DIAPH1: variants seen among roughly 807,000 people sequenced by gnomAD.
DIAPH1 encodes the protein diaphanous related formin 1.
In DIAPH1, 46 loss-of-function variants were observed where a neutral mutation model predicts 140.7. The ratio of observed to expected loss-of-function variants is 0.33; its 90% CI spans 0.26 to 0.42. The LOEUF is 0.42. DIAPH1 is among the 10% of genes least tolerant of loss of function. The pLI, the probability that DIAPH1 is intolerant of heterozygous loss-of-function variation, is 1.00. For synonymous variants in DIAPH1, 565 were observed against 551.6 expected (o/e 1.02, Z -0.34); for missense variants, 1,310 against 1,558.7 (o/e 0.84, Z 2.69).
chr5:141,618,667 G>T, intron 1 of DIAPH1, 131 bp downstream of exon 1: 2 of 620,440 alleles, frequency 3.2e-6, no homozygotes, highest in Non-Finnish European at 2.9e-6. Context: ...CAGAGCTGCG[G>T]ACCGAGCGAA....
rs3075570 is a variant in DIAPH1 at position 141,573,996 on chromosome 5, TGGAGGAGGAGGAGGAGGAGGA to T, written c.1833_1853del (p.Pro614_Pro620del). ...TGCAAACACCCCCAGGCAAAGGAGG[TGGAGGAGGAGGAGGAGGAGGA>T]GGAGGAGGAGGAGTGGTACTATCCC... On this transcript the variant is annotated inframe_deletion, in exon 16 of 28. Coordinates refer to ENST00000389054, the MANE Select transcript of DIAPH1 (RefSeq NM_005219.5). 1.7e-5 allele frequency: 25 copies of T among 1,511,812 alleles called. No homozygotes were observed. Among genetic ancestry groups the T allele is most frequent in the Non-Finnish European group, 2.1e-5 (24 of 1,130,708 alleles). 93.6% of individuals were successfully genotyped at this position (1,511,812 alleles called of 1,614,324 possible). A position where few individuals can be genotyped will look rare whatever the true frequency, so the allele number is the denominator to read the frequency against.
intron 18 of DIAPH1, among the ~76,000 whole-genome samples, chr5:141,556,204 C>T (rs1193731518): frequency 6.6e-6 from 1 of 152,028 alleles, no homozygotes; most frequent in Non-Finnish European, 1.5e-5. Context: ...TTCACCACAT[C>T]CCCCCCGGCC....
rs1480170074 is a variant in DIAPH1, at chr5:141,515,685, G to A, written c.*1166C>T. On this transcript the variant is annotated 3_prime_UTR_variant, in exon 28 of 28. Coordinates refer to ENST00000389054, the MANE Select transcript of DIAPH1 (RefSeq NM_005219.5). ...TTTATACATTTATAAAAAACTCTGT[G>A]GTCTTAGAGTTCCTGCTACTCTTAG... is the stretch of plus-strand genomic sequence containing the variant. 6.6e-6 allele frequency: 1 copy of A among 152,150 alleles called. No individual in the cohort carries two copies. 9.4% of individuals were successfully genotyped at this position (152,150 alleles called of 1,614,324 possible).
chr5:141,524,381 G>A (rs2099886984), intron 26 of DIAPH1, 152 bp from the exon 27 acceptor site: 3 of 729,852 alleles, frequency 4.1e-6, no homozygotes, highest in Non-Finnish European at 7.3e-6. Context: ...TCAGCCTTAA[G>A]TCTCACACGC....
intron 15 of DIAPH1, among the ~76,000 whole-genome samples, chr5:141,574,508 G>A (rs1029762193): frequency 6.6e-6 from 1 of 152,142 alleles, no homozygotes; most frequent in African/African-American, 2.4e-5. Context: ...AAATGTTCTA[G>A]TTATATAACT....
chr5:141,576,737 G>A lies in DIAPH1; in HGVS notation c.1396+19C>T, dbSNP rs1435811785. ...GAAGAAGCAATACTTGGAGGAGCCA[G>A]ATAGAAGAGTATGCTTACCAATTAA... On this transcript the variant is annotated intron_variant, in intron 13 of 27. Coordinates refer to ENST00000389054, the MANE Select transcript of DIAPH1 (RefSeq NM_005219.5). The A allele has an allele frequency of 3.4e-6, 5 of 1,486,970 alleles. No homozygotes were observed. The highest frequency in any genetic ancestry group is 4.7e-6 in the Non-Finnish European group (5 of 1,064,244). The allele number at this position is 1,486,970 out of a possible 1,614,324, so 92.1% of individuals were successfully genotyped here.
intron 1 of DIAPH1, among the ~76,000 whole-genome samples, chr5:141,601,013 T>C (rs1307540785): frequency 6.6e-6 from 1 of 151,654 alleles, no homozygotes. Flanking sequence ...CACTCATAGG[T>C]GGGAACTGAA....
Position 141,577,492 on chromosome 5 carries a change from T to G in DIAPH1, c.1263A>C (p.Arg421=). ...LSILQHLLLV[R]NDYEARPQYY... Reference sequence around the variant, plus strand: ...CATCTTACCTGGCCTCATAGTCATTTCGGACCAAGAGTAAGTGCTGCAGGA... The same window carrying G: ...CATCTTACCTGGCCTCATAGTCATTGCGGACCAAGAGTAAGTGCTGCAGGA... Residue 421 remains arginine (R), a synonymous_variant, in exon 12 of 28, where the codon CGA becomes CGC. Transcript: ENST00000389054. 1.2e-6 allele frequency: 2 copies of G among 1,613,022 alleles called. No individual in the cohort carries two copies. The highest frequency in any genetic ancestry group is 1.7e-6 in the Non-Finnish European group (2 of 1,178,980).
At chr5:141,561,619 A>C (rs938275055) in intron 18 of DIAPH1, among the ~76,000 whole-genome samples, 4 of 152,206 alleles carry the variant, frequency 2.6e-5, no homozygotes, top group Non-Finnish European at 5.9e-5. Context: ...AGAAAAATTA[A>C]AAGAGAAAGT....
intron 18 of DIAPH1, among the ~76,000 whole-genome samples, chr5:141,546,867 T>C (rs903214274): frequency 6.6e-6 from 1 of 152,230 alleles, no homozygotes; most frequent in Non-Finnish European, 1.5e-5. Context: ...AATCAGCCTC[T>C]ACTATTATCT....
At chr5:141,578,472 G>T in intron 10 of DIAPH1, 43 bp downstream of exon 10, 2 of 1,564,794 alleles carry the variant, frequency 1.3e-6, no homozygotes, top group Non-Finnish European at 1.8e-6. Flanking sequence ...TGTAGAGCAA[G>T]AAGGAACCAG....
intron 1 of DIAPH1, among the ~76,000 whole-genome samples, chr5:141,589,372 C>T (rs1344243297): frequency 6.6e-6 from 1 of 152,168 alleles, no homozygotes; most frequent in East Asian, 1.9e-4. Context: ...TGATTTATTG[C>T]TTCAACAAAC....
intron 18 of DIAPH1, among the ~76,000 whole-genome samples, chr5:141,539,940 CTAT>C (rs1345184076): frequency 6.7e-6 from 1 of 149,128 alleles, no homozygotes; most frequent in East Asian, 2.0e-4. Flanking sequence ...TCCCTAATTT[CTAT>C]TATTTCTTTC....
At position 141,529,546 on chromosome 5, in the gene DIAPH1, G is replaced by A. The variant is rs898524840; in HGVS notation, c.2676+57C>T. Reference sequence around the variant, plus strand: ...ATCCTCTTCATCTACACAGAGATGAGGCCAGTGCCCAGCGACACAGAAGAG... The same window carrying A: ...ATCCTCTTCATCTACACAGAGATGAAGCCAGTGCCCAGCGACACAGAAGAG... On this transcript the variant is annotated intron_variant, in intron 20 of 27. Coordinates refer to ENST00000389054, the MANE Select transcript of DIAPH1 (RefSeq NM_005219.5). 1.7e-5 allele frequency: 23 copies of A among 1,347,212 alleles called. No individual in the cohort carries two copies. In the African/African-American group the frequency reaches 2.9e-4, roughly 17 times the overall value. The allele number at this position is 1,347,212 out of a possible 1,614,324, so 83.5% of individuals were successfully genotyped here. A position where few individuals can be genotyped will look rare whatever the true frequency, so the allele number is the denominator to read the frequency against.
intron 1 of DIAPH1, among the ~76,000 whole-genome samples, chr5:141,611,912 C>A (rs1250504571): frequency 3.9e-5 from 6 of 151,966 alleles, no homozygotes; most frequent in Admixed American, 3.9e-4. Flanking sequence ...ACTAAAAATA[C>A]AAAAATTAGC....
chr5:141,527,699 TAAAAAAAAAAAAAA>T lies in DIAPH1; in HGVS notation c.3149-16_3149-3del. ...TCTTTTGCAAGTTTTCAGCAGAAAC[TAAAAAAAAAAAAAA>T]AAAAAAAAACCATAAAAACAGACAG... On this transcript the variant is annotated splice_polypyrimidine_tract_variant and splice_region_variant and intron_variant, in intron 23 of 27. Transcript: ENST00000389054. 6 of 1,130,080 alleles carry T rather than the reference TAAAAAAAAAAAAAA, an allele frequency of 5.3e-6. No individual in the cohort carries two copies. The highest frequency in any genetic ancestry group is 3.6e-5 in the East Asian group (1 of 27,440). The allele number at this position is 1,130,080 out of a possible 1,614,324, so 70.0% of individuals were successfully genotyped here.
intron 14 of DIAPH1, 83 bp downstream of exon 14, chr5:141,576,147 G>A: frequency 1.6e-6 from 2 of 1,213,996 alleles, no homozygotes; most frequent in South Asian, 1.2e-5. Flanking sequence ...TACCACAGAG[G>A]AAAACTGTCT....
chr5:141,573,887 G>C lies in DIAPH1; in HGVS notation c.1963C>G (p.Pro655Ala), dbSNP rs201827139. 2.7e-5 allele frequency: 41 copies of C among 1,545,700 alleles called. No homozygotes were observed. The African/African-American group carries it at 5.1e-4, about 19-fold the overall frequency. ...LSGDATIPPP[P>A]PLPEGVGIPS... ...ATGCCAACACCCTCAGGCAAAGGAGGGGGTGGAGGGATGGTAGCATCCCCA... is the reference window on the plus strand; with the variant it reads ...ATGCCAACACCCTCAGGCAAAGGAGCGGGTGGAGGGATGGTAGCATCCCCA... Residue 655 changes from proline (P) to alanine (A), a missense_variant, in exon 16 of 28, where the codon CCT (proline) becomes GCT (alanine). Transcript: ENST00000389054.
Position 141,536,330 on chromosome 5 carries a change from A to G in DIAPH1, c.2483-1897T>C, listed in dbSNP as rs1034725072. Reference sequence around the variant, plus strand: ...AAAATTCACTGTTTTGGAGCTCAGTAGTCCCAGTTTGAGGAAGAAAAATAC... The same window carrying G: ...AAAATTCACTGTTTTGGAGCTCAGTGGTCCCAGTTTGAGGAAGAAAAATAC... On this transcript the variant is annotated intron_variant, in intron 18 of 27. Coordinates refer to ENST00000389054, the MANE Select transcript of DIAPH1 (RefSeq NM_005219.5). 1.2e-4 allele frequency among the ~76,000 whole-genome samples: 19 copies of G among 152,170 alleles called. 1 individual carries two copies.
Sources: allele counts gnomAD v4.1 joint callset (sites outside exome capture counted in the v4.1 genomes callset), GRCh38; gene constraint gnomAD v4.1.1; transcripts MANE v1.5; gene names NCBI Gene and HGNC (gene_info 2026-07-23, HGNC 2026-07-21).